Variants in GADD45B observed in about 807,000 individuals in gnomAD.
GADD45B encodes growth arrest and DNA damage inducible beta, also known as growth arrest and DNA damage-inducible protein GADD45 beta.
GADD45B carries 8 observed loss-of-function variants against 15.2 expected under a neutral mutation model. The observed-to-expected ratio is 0.53, with a 90% CI of 0.31 to 0.95. GADD45B has a LOEUF of 0.95. Among genes scored for constraint, GADD45B ranks in the 40% least tolerant of loss-of-function variants. The pLI, the probability that GADD45B is intolerant of heterozygous loss-of-function variation, is 0.05. For synonymous variants in GADD45B, 100 were observed against 89.8 expected (o/e 1.11, Z -0.64); for missense variants, 162 against 216.6 (o/e 0.75, Z 1.58).
Position 2,478,199 on chromosome 19 carries a change from A to G in GADD45B, c.*598A>G, listed in dbSNP as rs575276970. The G allele has an allele frequency of 6.6e-6, 1 of 152,302 alleles. No individual in the cohort carries two copies. The highest frequency in any genetic ancestry group is 1.5e-5 in the Non-Finnish European group (1 of 68,032). The allele number at this position is 152,302 out of a possible 1,614,324, so 9.4% of individuals were successfully genotyped here. A position where few individuals can be genotyped will look rare whatever the true frequency, so the allele number is the denominator to read the frequency against. ...AACCACTGAGAGCGAGATGGGAAGC[A>G]TAGATATCTATATTTTTATTTCTAC... On this transcript the variant is annotated 3_prime_UTR_variant, in exon 4 of 4. Transcript: ENST00000215631.
Position 2,477,121 on chromosome 19 carries a change from C to T in GADD45B, c.239C>T (p.Ser80Phe). The T allele has an allele frequency of 6.2e-7, 1 of 1,613,882 alleles. No homozygotes were observed. The highest frequency in any genetic ancestry group is 1.1e-5 in the South Asian group (1 of 91,082). ...ALQIHFTLIQSFCCDNDINIV... is the reference protein window; with the variant it reads ...ALQIHFTLIQFFCCDNDINIV... The stretch of plus-strand genomic sequence containing the variant: ...CAAATCCACTTCACGCTCATCCAGT[C>T]CTTCTGCTGTGACAACGACATCAAC... The change falls in exon 3 of 4, where the codon TCC (serine) becomes TTC (phenylalanine). Residue 80 changes from serine to phenylalanine, a missense_variant. Ser to Phe is a radical substitution (Grantham distance 155, BLOSUM62 -2). Coordinates refer to ENST00000215631, the MANE Select transcript of GADD45B (RefSeq NM_015675.4). This position sits in a 1 kb window ranked among gnomAD's most constrained non-coding sequence, Gnocchi z 4.2.
chr19:2,476,641 C>A lies in GADD45B; in HGVS notation c.146+11C>A. The A allele has an allele frequency of 6.7e-7, 1 of 1,498,564 alleles. No homozygotes were observed. Among genetic ancestry groups the A allele is most frequent in the Non-Finnish European group, 9.1e-7 (1 of 1,101,506 alleles). 92.8% of individuals were successfully genotyped at this position (1,498,564 alleles called of 1,614,324 possible). On this transcript the variant is annotated intron_variant, in intron 2 of 3. Coordinates refer to ENST00000215631, the MANE Select transcript of GADD45B (RefSeq NM_015675.4). Reference sequence around the variant, plus strand: ...CAAGTTGATGAATGTGTGAGTCAGACCCCCTTCCCGGGCTGGGCGCGGGTG... The same window carrying A: ...CAAGTTGATGAATGTGTGAGTCAGAACCCCTTCCCGGGCTGGGCGCGGGTG...
At position 2,477,932 on chromosome 19, in the gene GADD45B, G is replaced by GA; in HGVS notation, c.*331_*332insA. 3.9e-6 allele frequency: 1 copy of GA among 258,970 alleles called. No homozygotes were observed. The highest frequency in any genetic ancestry group is 7.8e-6 in the Non-Finnish European group (1 of 128,614). 16.0% of individuals were successfully genotyped at this position (258,970 alleles called of 1,614,324 possible). On this transcript the variant is annotated 3_prime_UTR_variant, in exon 4 of 4. Coordinates refer to ENST00000215631, the MANE Select transcript of GADD45B (RefSeq NM_015675.4). This position sits in a 1 kb window ranked among gnomAD's most constrained non-coding sequence, Gnocchi z 4.2. Reference sequence around the variant, plus strand: ...GGCACGCTGCCGCCTTCCCCATCACGGAGGGTCCAGACTGTCCACTCGGGG... The same window carrying GA: ...GGCACGCTGCCGCCTTCCCCATCACGAGAGGGTCCAGACTGTCCACTCGGGG...
At position 2,477,707 on chromosome 19, in the gene GADD45B, CCCACGAGGA is replaced by C. The variant is rs1972339916; in HGVS notation, c.*110_*118del. On this transcript the variant is annotated 3_prime_UTR_variant, in exon 4 of 4. Transcript: ENST00000215631. The surrounding 1 kb of genome is among the most constrained non-coding windows in gnomAD (Gnocchi z 4.2). ...GCACAACCCCCCCAAAACAACCCAA[CCCACGAGGA>C]CCATCGGGGGCAGAGTCGTTGGAGA... is the stretch of plus-strand genomic sequence containing the variant. The C allele has an allele frequency of 1.7e-6, 1 of 593,684 alleles. No homozygotes were observed. The highest frequency in any genetic ancestry group is 2.0e-5 in the African/African-American group (1 of 49,952). 36.8% of individuals were successfully genotyped at this position (593,684 alleles called of 1,614,324 possible).
In GADD45B at chr19:2,477,297, C is replaced by A; in HGVS notation, c.369+46C>A. On this transcript the variant is annotated intron_variant, in intron 3 of 3. Coordinates refer to ENST00000215631, the MANE Select transcript of GADD45B (RefSeq NM_015675.4). The surrounding 1 kb of genome is among the most constrained non-coding windows in gnomAD (Gnocchi z 4.2). ...GCCCCGCCACGCCCGGGCACCTGGGCCGGTGTTTGTCAACAAAGTCGGGCT... is the reference window on the plus strand; with the variant it reads ...GCCCCGCCACGCCCGGGCACCTGGGACGGTGTTTGTCAACAAAGTCGGGCT... 1.5e-6 allele frequency: 2 copies of A among 1,340,796 alleles called. No homozygotes were observed. The highest frequency in any genetic ancestry group is 2.0e-6 in the Non-Finnish European group (2 of 980,980). 83.1% of individuals were successfully genotyped at this position (1,340,796 alleles called of 1,614,324 possible). A position where few individuals can be genotyped will look rare whatever the true frequency, so the allele number is the denominator to read the frequency against.
chr19:2,477,478 C>T lies in GADD45B; in HGVS notation c.370-10C>T, dbSNP rs376877804. The T allele has an allele frequency of 9.7e-5, 154 of 1,586,404 alleles. 2 individuals are homozygous for T. The East Asian group carries it at 2.1e-3, about 21-fold the overall frequency. On this transcript the variant is annotated splice_polypyrimidine_tract_variant and intron_variant, in intron 3 of 3. Coordinates refer to ENST00000215631, the MANE Select transcript of GADD45B (RefSeq NM_015675.4). The surrounding 1 kb of genome is among the most constrained non-coding windows in gnomAD (Gnocchi z 4.2). ...AGGCTCCACTAAACCCCTTCTTTTCCCTCCTACAGAACCCTCACACGGACG... is the reference window on the plus strand; with the variant it reads ...AGGCTCCACTAAACCCCTTCTTTTCTCTCCTACAGAACCCTCACACGGACG...
chr19:2,476,949 T>G (rs2144695377), intron 2 of GADD45B, 80 bp from the exon 3 acceptor site: 1 of 885,916 alleles, frequency 1.1e-6, no homozygotes, highest in African/African-American at 1.7e-5. Context: ...TCTTGCACGC[T>G]CCTTTTTTGC....
At chr19:2,476,728 C>A in intron 2 of GADD45B, 98 bp downstream of exon 2, 1 of 752,226 alleles carries the variant, frequency 1.3e-6, no homozygotes, top group Non-Finnish European at 2.1e-6. Context: ...GGAGCTGGGA[C>A]TTCCCCAAGT....
Position 2,476,547 on chromosome 19 carries a change from C to T in GADD45B, c.63C>T (p.Ala21=). ...NAAQKMQTVT[A]AVEELLVAAQ... ...GTCTCAGGATGCAGACGGTGACCGC[C>T]GCGGTGGAGGAGCTTTTGGTGGCCG... Residue 21 remains alanine, a synonymous_variant, in exon 2 of 4, where the codon GCC becomes GCT. Transcript: ENST00000215631. 1.2e-6 allele frequency: 2 copies of T among 1,605,996 alleles called. No homozygotes were observed. Among genetic ancestry groups the T allele is most frequent in the Middle Eastern group, 1.7e-4 (1 of 6,018 alleles).
At chr19:2,476,685 G>C (rs2144695176) in intron 2 of GADD45B, 55 bp downstream of exon 2, 1 of 1,031,732 alleles carries the variant, frequency 9.7e-7, no homozygotes, top group South Asian at 1.5e-5. Context: ...CCTCCCCTCC[G>C]CTCTGGACGC....
chr19:2,476,534 A>T lies in GADD45B; in HGVS notation c.50A>T (p.Gln17Leu). Residue 17 changes from glutamine to leucine, a missense_variant, in exon 2 of 4, where the codon CAG (glutamine) becomes CTG (leucine). Physicochemically the swap from Gln to Leu is moderately radical, Grantham distance 113. Transcript: ENST00000215631. ...TCCCTCTTTCCTGGTCTCAGGATGC[A>T]GACGGTGACCGCCGCGGTGGAGGAG... is the stretch of plus-strand genomic sequence containing the variant. ...VACDNAAQKM[Q>L]TVTAAVEELL... is the part of the protein sequence containing the mutation. The T allele has an allele frequency of 6.2e-7, 1 of 1,606,724 alleles. No individual in the cohort carries two copies.
chr19:2,476,389 A>C lies in GADD45B; in HGVS notation c.31A>C (p.Asn11His). 4 of 1,613,606 alleles carry C rather than the reference A, an allele frequency of 2.5e-6. No individual in the cohort carries two copies. Among genetic ancestry groups the C allele is most frequent in the Non-Finnish European group, 2.5e-6 (3 of 1,179,944 alleles). MTLEELVACD[N>H]AAQKMQTVTA... ...GCTGGAAGAGCTCGTGGCGTGCGAC[A>C]ACGCGGCGCAGAAGTAAGTAGCCGG... Residue 11 changes from asparagine (N) to histidine (H), a missense_variant, in exon 1 of 4, where the codon AAC becomes CAC. Transcript: ENST00000215631.
At chr19:2,476,437 C>A in intron 1 of GADD45B, 35 bp downstream of exon 1, 3 of 1,609,958 alleles carry the variant, frequency 1.9e-6, no homozygotes, top group Non-Finnish European at 2.5e-6. Context: ...CTGAGGTCAG[C>A]CGGGACGGGA....
chr19:2,476,710 T>A, intron 2 of GADD45B, 80 bp downstream of exon 2: 1 of 856,210 alleles, frequency 1.2e-6, no homozygotes, highest in Non-Finnish European at 1.8e-6. Context: ...CGCACGCTTG[T>A]CTTGCATGGA....
Position 2,476,315 on chromosome 19 carries a change from G to C in GADD45B, c.-44G>C, listed in dbSNP as rs1972310947. The stretch of plus-strand genomic sequence containing the variant: ...GCTCGGATTTTGCAATTTCTCCCTG[G>C]GGACTGCCGTGGAGCCGCATCCACT... On this transcript the variant is annotated 5_prime_UTR_variant, in exon 1 of 4. Transcript: ENST00000215631. 6.2e-7 allele frequency: 1 copy of C among 1,604,428 alleles called. No homozygotes were observed. The highest frequency in any genetic ancestry group is 8.5e-7 in the Non-Finnish European group (1 of 1,171,626).
chr19:2,477,690 C>A lies in GADD45B; in HGVS notation c.*89C>A. 1 of 618,914 alleles carries A rather than the reference C, an allele frequency of 1.6e-6. No individual in the cohort carries two copies. Among genetic ancestry groups the A allele is most frequent in the East Asian group, 3.1e-5 (1 of 31,960 alleles). 38.3% of individuals were successfully genotyped at this position (618,914 alleles called of 1,614,324 possible). On this transcript the variant is annotated 3_prime_UTR_variant, in exon 4 of 4. Transcript: ENST00000215631. The surrounding 1 kb of genome is among the most constrained non-coding windows in gnomAD (Gnocchi z 4.2). ...GAACCCCCTCCCCCCCAGCACAACC[C>A]CCCCAAAACAACCCAACCCACGAGG... is the stretch of plus-strand genomic sequence containing the variant.
chr19:2,476,919 C>T (rs779929652), intron 2 of GADD45B, 110 bp from the exon 3 acceptor site: 67 of 697,680 alleles, frequency 9.6e-5, no homozygotes, highest in Non-Finnish European at 1.4e-4. Flanking sequence ...TCCCCTGCAC[C>T]CTTGCAGTTT....
Position 2,476,305 on chromosome 19 carries a change from T to C in GADD45B, c.-54T>C. 2 of 1,593,222 alleles carry C rather than the reference T, an allele frequency of 1.3e-6. No homozygotes were observed. Reference sequence around the variant, plus strand: ...GGGCTCTCTGGCTCGGATTTTGCAATTTCTCCCTGGGGACTGCCGTGGAGC... The same window carrying C: ...GGGCTCTCTGGCTCGGATTTTGCAACTTCTCCCTGGGGACTGCCGTGGAGC... On this transcript the variant is annotated 5_prime_UTR_variant, in exon 1 of 4. Coordinates refer to ENST00000215631, the MANE Select transcript of GADD45B (RefSeq NM_015675.4).
In GADD45B at chr19:2,477,534, C is replaced by G; in HGVS notation, c.416C>G (p.Ala139Gly). The G allele has an allele frequency of 6.2e-7, 1 of 1,613,772 alleles. No individual in the cohort carries two copies. The highest frequency in any genetic ancestry group is 8.5e-7 in the Non-Finnish European group (1 of 1,179,706). ...AAGAGCCACGGCTTGGTGGAGGTGG[C>G]CAGCTACTGCGAAGAAAGCCGGGGC... ...AWKSHGLVEV[A>G]SYCEESRGNN... Residue 139 changes from alanine (A) to glycine (G), a missense_variant, in exon 4 of 4, where the codon GCC becomes GGC. By Grantham distance (60) the Ala-to-Gly change is moderately conservative (BLOSUM62 0). Transcript: ENST00000215631. The surrounding 1 kb of genome is among the most constrained non-coding windows in gnomAD (Gnocchi z 4.2).
Sources: allele counts gnomAD v4.1 joint callset, GRCh38; gene constraint gnomAD v4.1.1; non-coding constraint Gnocchi (gnomAD v3.1); transcripts MANE v1.5; gene names NCBI Gene and HGNC (gene_info 2026-07-23, HGNC 2026-07-21).